The following CACNA1B variants were observed in gnomAD, a reference collection of about 807,000 sequenced individuals.
CACNA1B encodes voltage-dependent N-type calcium channel subunit alpha-1B.
Under a neutral mutation model 247.2 loss-of-function variants are expected in CACNA1B, and 70 were observed. The ratio of observed to expected loss-of-function variants is 0.28; its 90% CI spans 0.23 to 0.35. CACNA1B has a LOEUF of 0.35. CACNA1B is among the 10% of genes least tolerant of loss of function. The pLI is 1.00. For synonymous variants in CACNA1B, 1,231 were observed against 1,294.4 expected (o/e 0.95, Z 1.05); for missense variants, 2,367 against 3,197.4 (o/e 0.74, Z 6.26).
chr9:138,059,545 G>T lies in CACNA1B; in HGVS notation c.4585-109G>T. The T allele has an allele frequency of 1.4e-6, 1 of 739,778 alleles. No homozygotes were observed. Among genetic ancestry groups the T allele is most frequent in the African/African-American group, 1.7e-5 (1 of 57,956 alleles). 45.8% of individuals were successfully genotyped at this position (739,778 alleles called of 1,614,324 possible). A position where few individuals can be genotyped will look rare whatever the true frequency, so the allele number is the denominator to read the frequency against. On this transcript the variant is annotated intron_variant, in intron 30 of 46. Coordinates refer to ENST00000371372, the MANE Select transcript of CACNA1B (RefSeq NM_000718.4). The surrounding 1 kb of genome is among the most constrained non-coding windows in gnomAD (Gnocchi z 4.2). Reference sequence around the variant, plus strand: ...GGTGGCCTGTCTGCCCTGTGCTCAGGGTCTATCACCCTCACCGCTTTCTTA... The same window carrying T: ...GGTGGCCTGTCTGCCCTGTGCTCAGTGTCTATCACCCTCACCGCTTTCTTA...
In CACNA1B at chr9:138,073,873, G is replaced by A; in HGVS notation, c.4792-128G>A. On this transcript the variant is annotated intron_variant, in intron 33 of 46. Transcript: ENST00000371372. This position sits in a 1 kb window ranked among gnomAD's most constrained non-coding sequence, Gnocchi z 6.4. ...GGGGCATCACTTGGTGGAGGGGCTT[G>A]GTGGCCAGTGGGATGGAGCTTGAGT... 1.3e-6 allele frequency: 1 copy of A among 741,174 alleles called. No individual in the cohort carries two copies. The highest frequency in any genetic ancestry group is 2.0e-5 in the Admixed American group (1 of 48,792). 45.9% of individuals were successfully genotyped at this position (741,174 alleles called of 1,614,324 possible). A position where few individuals can be genotyped will look rare whatever the true frequency, so the allele number is the denominator to read the frequency against.
intron 37 of CACNA1B, among the ~76,000 whole-genome samples, chr9:138,099,380 G>A (rs968804556): frequency 6.6e-5 from 10 of 152,192 alleles, no homozygotes; most frequent in African/African-American, 1.9e-4. Flanking sequence ...CTGAATGTGC[G>A]TGCATGCCTG....
In CACNA1B at chr9:137,971,604, C is replaced by T. The variant is rs767717858; in HGVS notation, c.1543+12C>T. Reference sequence around the variant, plus strand: ...TACCACGACCCTGTGTACGTATCCCCGTCCCTCCCTCAGGTGCTTCCTGAG... The same window carrying T: ...TACCACGACCCTGTGTACGTATCCCTGTCCCTCCCTCAGGTGCTTCCTGAG... On this transcript the variant is annotated intron_variant, in intron 11 of 46. Coordinates refer to ENST00000371372, the MANE Select transcript of CACNA1B (RefSeq NM_000718.4). This position sits in a 1 kb window ranked among gnomAD's most constrained non-coding sequence, Gnocchi z 4.4. 119 of 1,605,970 alleles carry T rather than the reference C, an allele frequency of 7.4e-5. No homozygotes were observed. The highest frequency in any genetic ancestry group is 1.6e-4 in the African/African-American group (12 of 74,768).
At position 138,052,113 on chromosome 9, in the gene CACNA1B, C is replaced by T. The variant is rs1443725926; in HGVS notation, c.3732C>T (p.Ile1244=). 4 of 1,608,898 alleles carry T rather than the reference C, an allele frequency of 2.5e-6. No individual in the cohort carries two copies. In the East Asian group the frequency reaches 6.7e-5, roughly 27 times the overall value. The change falls in exon 25 of 47, where the codon ATC becomes ATT. Residue 1244 remains isoleucine (I), a synonymous_variant. Coordinates refer to ENST00000371372, the MANE Select transcript of CACNA1B (RefSeq NM_000718.4). The surrounding 1 kb of genome is among the most constrained non-coding windows in gnomAD (Gnocchi z 5.1). The part of the protein sequence containing the change: ...FAFSGSKGKD[I]NTIKSLRVLR... Reference sequence around the variant, plus strand: ...CTAGAGGATCCAAAGGGAAAGACATCAATACCATCAAGTCTCTGAGAGTCC... The same window carrying T: ...CTAGAGGATCCAAAGGGAAAGACATTAATACCATCAAGTCTCTGAGAGTCC...
rs1468873882 is a variant in CACNA1B, at chr9:138,120,881, G to T, written c.6489G>T (p.Gln2163His). The change falls in exon 46 of 47, where the codon CAG becomes CAT. Residue 2163 changes from glutamine (Q) to histidine (H), a missense_variant and splice_region_variant. Around this residue, in one of 12 missense-constraint regions of CACNA1B, gnomAD observed 773 missense variants for 779.4 expected, o/e 0.99. Coordinates refer to ENST00000371372, the MANE Select transcript of CACNA1B (RefSeq NM_000718.4). ...TAGQEPGPHP[Q>H]GSGSVNGSPL... ...GCCAGGAGCCGGGACCCCACCCACAGGTAAGAGGAATAGGTGGAGAGGTCA... is the reference window on the plus strand; with the variant it reads ...GCCAGGAGCCGGGACCCCACCCACATGTAAGAGGAATAGGTGGAGAGGTCA... 1 of 1,566,248 alleles carries T rather than the reference G, an allele frequency of 6.4e-7. No individual in the cohort carries two copies. Among genetic ancestry groups the T allele is most frequent in the Non-Finnish European group, 8.6e-7 (1 of 1,156,256 alleles).
rs1010087120 is a variant in CACNA1B at position 138,010,989 on chromosome 9, G to T, written c.2160+912G>T. Among the ~76,000 whole-genome samples the T allele has an allele frequency of 6.6e-6, 1 of 152,204 alleles. No individual in the cohort carries two copies. The highest frequency in any genetic ancestry group is 6.5e-5 in the Admixed American group (1 of 15,290). ...CCCAGCCGAGCTCTCCAGGAGGGGG[G>T]TGTGGTCCATGCGGTGTGCCAGCTG... On this transcript the variant is annotated intron_variant, in intron 17 of 46. Transcript: ENST00000371372. The surrounding 1 kb of genome is among the most constrained non-coding windows in gnomAD (Gnocchi z 5.3).
chr9:138,024,243 G>A lies in CACNA1B; in HGVS notation c.3068+432G>A, dbSNP rs114528346. On this transcript the variant is annotated intron_variant, in intron 19 of 46. Transcript: ENST00000371372. The stretch of plus-strand genomic sequence containing the variant: ...GGCCAGTGGGCTGGGCGCAGAGCGG[G>A]GTGTGGGGGCCAGGCTGTGTGACCA... 4.7e-3 allele frequency among the ~76,000 whole-genome samples: 714 copies of A among 152,314 alleles called. 8 individuals are homozygous for A. The highest frequency in any genetic ancestry group is 0.015 in the African/African-American group (632 of 41,566).
At chr9:138,085,061 A>G (rs1382370139) in intron 36 of CACNA1B, among the ~76,000 whole-genome samples, 1 of 150,988 alleles carries the variant, frequency 6.6e-6, no homozygotes, top group East Asian at 2.0e-4. Context: ...AAAGGGATTC[A>G]AAATAATGTT....
intron 36 of CACNA1B, among the ~76,000 whole-genome samples, chr9:138,078,917 T>C (rs901937402): frequency 6.6e-6 from 1 of 152,056 alleles, no homozygotes; most frequent in East Asian, 1.9e-4. Flanking sequence ...GGCCACAGGG[T>C]GAGCAGTTCT....
At chr9:137,934,396 T>A (rs928371791) in intron 6 of CACNA1B, among the ~76,000 whole-genome samples, 19 of 152,322 alleles carry the variant, frequency 1.2e-4, no homozygotes, top group East Asian at 3.9e-4. Flanking sequence ...AGTACCTGAT[T>A]TCTCATTTTG....
rs146595655 is a variant in CACNA1B, at chr9:138,041,699, C to T, written c.3287-2075C>T. ...TCTTTGTCCTGTTTATTTCGAGCAG[C>T]AGAAGTCTTCATTGAAGCCAGACTG... On this transcript the variant is annotated intron_variant, in intron 20 of 46. Transcript: ENST00000371372. 7.6e-3 allele frequency among the ~76,000 whole-genome samples: 1,160 copies of T among 152,244 alleles called. 8 individuals carry two copies. The highest frequency in any genetic ancestry group is 0.026 in the African/African-American group (1,077 of 41,548).
intron 36 of CACNA1B, among the ~76,000 whole-genome samples, chr9:138,096,119 TTAA>T (rs1234112998): frequency 6.6e-6 from 1 of 152,142 alleles, no homozygotes; most frequent in African/African-American, 2.4e-5. Context: ...AAACTTAATT[TTAA>T]AATAAGAACC....
intron 19 of CACNA1B, 33 bp downstream of exon 19, chr9:138,023,844 A>T (rs1300786739): frequency 1.8e-6 from 2 of 1,127,770 alleles, no homozygotes; most frequent in African/African-American, 1.6e-5. Context: ...TCAGGGAGGG[A>T]AGGGTTGGCC....
chr9:138,053,716 C>G (rs1465173311), intron 25 of CACNA1B, 130 bp from the exon 26 acceptor site: 3 of 650,796 alleles, frequency 4.6e-6, no homozygotes, highest in Non-Finnish European at 8.4e-6. Flanking sequence ...TACGGCCATG[C>G]CCTCCCACCT....
chr9:137,971,243 CA>C lies in CACNA1B; in HGVS notation c.1334-139del, dbSNP rs1958143325. On this transcript the variant is annotated intron_variant, in intron 10 of 46. Coordinates refer to ENST00000371372, the MANE Select transcript of CACNA1B (RefSeq NM_000718.4). The surrounding 1 kb of genome is among the most constrained non-coding windows in gnomAD (Gnocchi z 4.4). ...TCCCTCAGCTGTGAAGTGGAGGTCA[CA>C]GGGGTCACTGGCACAATTGTCTGTG... The C allele has an allele frequency of 4.6e-6, 3 of 649,830 alleles. No individual in the cohort carries two copies. Among genetic ancestry groups the C allele is most frequent in the South Asian group, 1.8e-5 (1 of 55,092 alleles). The allele number at this position is 649,830 out of a possible 1,614,324, so 40.3% of individuals were successfully genotyped here. A position where few individuals can be genotyped will look rare whatever the true frequency, so the allele number is the denominator to read the frequency against.
chr9:138,014,573 T>C lies in CACNA1B; in HGVS notation c.2267+1338T>C, dbSNP rs928654985. On this transcript the variant is annotated intron_variant, in intron 18 of 46. Coordinates refer to ENST00000371372, the MANE Select transcript of CACNA1B (RefSeq NM_000718.4). This position sits in a 1 kb window ranked among gnomAD's most constrained non-coding sequence, Gnocchi z 6.2. ...ATTCGGTTATTTGGTTCATTAGTTA[T>C]TTAGTCCACTTAGTTTGGTTACTTG... is the stretch of plus-strand genomic sequence containing the variant. 1.3e-5 allele frequency among the ~76,000 whole-genome samples: 2 copies of C among 152,216 alleles called. No individual in the cohort carries two copies. The highest frequency in any genetic ancestry group is 4.8e-5 in the African/African-American group (2 of 41,456).
intron 21 of CACNA1B, among the ~76,000 whole-genome samples, 180 bp downstream of exon 21, chr9:138,044,080 G>T (rs1302133054): frequency 6.6e-6 from 1 of 152,210 alleles, no homozygotes. Context: ...AAGAGGACAC[G>T]GGCACAGGAG....
rs373521314 is a variant in CACNA1B, at chr9:137,919,130, G to A, written c.966+1699G>A. ...TCTTCTGCCTGGGTCTCTGCCTCCC[G>A]CAGGAGGGGATGGGCAGGAGCCCCA... On this transcript the variant is annotated intron_variant, in intron 6 of 46. Coordinates refer to ENST00000371372, the MANE Select transcript of CACNA1B (RefSeq NM_000718.4). The surrounding 1 kb of genome is among the most constrained non-coding windows in gnomAD (Gnocchi z 4.6). Among the ~76,000 whole-genome samples the A allele has an allele frequency of 1.9e-4, 29 of 152,198 alleles. No individual in the cohort carries two copies. Among genetic ancestry groups the A allele is most frequent in the Non-Finnish European group, 3.4e-4 (23 of 68,020 alleles).
chr9:138,028,267 C>T (rs1482430920), intron 20 of CACNA1B, among the ~76,000 whole-genome samples: 2 of 152,140 alleles, frequency 1.3e-5, no homozygotes, highest in South Asian at 4.1e-4. Flanking sequence ...AAGTGATCCA[C>T]CTGTCTTGGC....
Sources: gnomAD v4.1 joint callset for allele counts (sites outside exome capture counted in the v4.1 genomes callset) on GRCh38, gnomAD v4.1.1 for gene constraint, gnomAD v4.1.1 regional missense constraint, Gnocchi (gnomAD v3.1) non-coding constraint, MANE v1.5 for transcripts, NCBI Gene and HGNC (gene_info 2026-07-23, HGNC 2026-07-21) for gene names.